Variants in SLC9A9 observed in about 807,000 individuals in gnomAD.
The protein encoded by SLC9A9 is solute carrier family 9 member A9.
SLC9A9 carries 62 observed loss-of-function variants against 77.8 expected under a neutral mutation model. The ratio of observed to expected loss-of-function variants is 0.80; its 90% CI spans 0.65 to 0.98. The LOEUF is 0.98. SLC9A9 is among the 50% of genes least tolerant of loss of function. The pLI is 0.00. For missense variants in SLC9A9, 775 were observed against 774.9 expected (o/e 1.00, Z 0.00); for synonymous variants, 320 against 283.5 (o/e 1.13, Z -1.29).
At chr3:143,420,635 GAAGA>G (rs2034281224) in intron 12 of SLC9A9, among the ~76,000 whole-genome samples, 1 of 152,190 alleles carries the variant, frequency 6.6e-6, no homozygotes, top group Non-Finnish European at 1.5e-5. Context: ...ATTCTGGTGA[GAAGA>G]AAGGTGAGGG....
At chr3:143,555,186 T>C (rs2036959148) in intron 8 of SLC9A9, among the ~76,000 whole-genome samples, 1 of 152,204 alleles carries the variant, frequency 6.6e-6, no homozygotes, top group Non-Finnish European at 1.5e-5. Flanking sequence ...GATGATTTTA[T>C]AAGGGGTTTC....
intron 14 of SLC9A9, among the ~76,000 whole-genome samples, chr3:143,336,977 G>A (rs1295998659): frequency 6.6e-6 from 1 of 152,056 alleles, no homozygotes; most frequent in Non-Finnish European, 1.5e-5. Flanking sequence ...GACACAAGGA[G>A]CACATTGTTA....
chr3:143,771,168 C>G (rs1185716740), intron 4 of SLC9A9, among the ~76,000 whole-genome samples: 1 of 152,228 alleles, frequency 6.6e-6, no homozygotes, highest in Non-Finnish European at 1.5e-5. Flanking sequence ...TACTTGGAGC[C>G]TTGATTCAGA....
chr3:143,685,527 G>A (rs913711100), intron 5 of SLC9A9, among the ~76,000 whole-genome samples: 2 of 152,146 alleles, frequency 1.3e-5, no homozygotes, highest in Non-Finnish European at 2.9e-5. Flanking sequence ...TAGTGCAGCT[G>A]TATTTGAGTC....
Position 143,618,131 on chromosome 3 carries a change from TG to T in SLC9A9, c.755+34123del, listed in dbSNP as rs2038138041. Among the ~76,000 whole-genome samples the T allele has an allele frequency of 2.0e-5, 3 of 152,194 alleles. No individual in the cohort carries two copies. In the South Asian group the frequency reaches 6.2e-4, roughly 31 times the overall value. On this transcript the variant is annotated intron_variant, in intron 6 of 15. Coordinates refer to ENST00000316549, the MANE Select transcript of SLC9A9 (RefSeq NM_173653.4). Reference sequence around the variant, plus strand: ...AGACTGAGATACAAGTAGGAGATCTTGGAGTGCTGGAACCGTGGGAGGAAAA... The same window carrying T: ...AGACTGAGATACAAGTAGGAGATCTTGAGTGCTGGAACCGTGGGAGGAAAA...
At chr3:143,585,175 TGGGTCAGTA>T (rs2037521233) in intron 6 of SLC9A9, among the ~76,000 whole-genome samples, 1 of 152,176 alleles carries the variant, frequency 6.6e-6, no homozygotes. Flanking sequence ...TTCCTTGGGT[TGGGTCAGTA>T]GCCACTTGGG....
intron 12 of SLC9A9, among the ~76,000 whole-genome samples, chr3:143,386,734 T>G (rs1282993382): frequency 2.0e-5 from 3 of 152,202 alleles, no homozygotes; most frequent in Non-Finnish European, 4.4e-5. Flanking sequence ...CCACCACAAT[T>G]GAGCCACAAG....
intron 4 of SLC9A9, among the ~76,000 whole-genome samples, chr3:143,744,783 G>A (rs1191681148): frequency 6.6e-6 from 1 of 152,114 alleles, no homozygotes; most frequent in Non-Finnish European, 1.5e-5. Context: ...ATTAAGTGGA[G>A]AATCAGAGGA....
At chr3:143,782,738 A>G (rs1427695621) in intron 4 of SLC9A9, among the ~76,000 whole-genome samples, 1 of 152,204 alleles carries the variant, frequency 6.6e-6, no homozygotes, top group Non-Finnish European at 1.5e-5. Flanking sequence ...CTTTTTATGA[A>G]CTCATTGATT....
chr3:143,544,795 T>A (rs963188873), intron 9 of SLC9A9, among the ~76,000 whole-genome samples: 9 of 152,196 alleles, frequency 5.9e-5, no homozygotes, highest in African/African-American at 2.2e-4. Flanking sequence ...GATTTTATAG[T>A]TTAAGGTCCT....
intron 4 of SLC9A9, among the ~76,000 whole-genome samples, chr3:143,785,918 GC>G (rs1178176910): frequency 7.0e-6 from 1 of 142,646 alleles, no homozygotes; most frequent in Non-Finnish European, 1.5e-5. Flanking sequence ...GTGCAGTGGC[GC>G]GATCTCGACT....
chr3:143,652,141 A>T (rs1206567113), intron 6 of SLC9A9, 114 bp downstream of exon 6: 2 of 842,140 alleles, frequency 2.4e-6, no homozygotes, highest in Non-Finnish European at 3.9e-6. Flanking sequence ...CTGTGATAAC[A>T]ATTCCTTGAA....
chr3:143,552,404 G>C lies in SLC9A9; in HGVS notation c.1047C>G (p.Thr349=). 6.2e-7 allele frequency: 1 copy of C among 1,613,004 alleles called. No homozygotes were observed. Among genetic ancestry groups the C allele is most frequent in the African/African-American group, 1.3e-5 (1 of 74,948 alleles). ...LFCGVTQAHY[T]YNNLSSDSKI... ...TGGAATCCGAAGACAGATTGTTGTA[G>C]GTATAATGTGCTTGTGTGACTCCAC... The change falls in exon 9 of 16, where the codon ACC becomes ACG. Residue 349 remains threonine, a synonymous_variant. Transcript: ENST00000316549.
intron 4 of SLC9A9, among the ~76,000 whole-genome samples, chr3:143,733,404 G>C (rs1934857954): frequency 6.6e-6 from 1 of 152,090 alleles, no homozygotes; most frequent in Non-Finnish European, 1.5e-5. Context: ...GTGTGTCCCT[G>C]GGCTGGGGGT....
chr3:143,497,011 G>T (rs1559940727), intron 9 of SLC9A9, among the ~76,000 whole-genome samples: 1 of 152,012 alleles, frequency 6.6e-6, no homozygotes, highest in Non-Finnish European at 1.5e-5. Context: ...TCTTATAAGG[G>T]CACTAATCCA....
rs149972768 is a variant in SLC9A9, at chr3:143,578,633, G to A, written c.846C>T (p.Phe282=). 1,632 of 1,614,074 alleles carry A rather than the reference G, an allele frequency of 1.0e-3. 4 individuals are homozygous for A. The highest frequency in any genetic ancestry group is 1.3e-3 in the Non-Finnish European group (1,553 of 1,179,952). The change falls in exon 7 of 16, where the codon TTC becomes TTT. Residue 282 remains phenylalanine, a synonymous_variant. Transcript: ENST00000316549. The part of the protein sequence containing the change: ...FQSVGNFLGI[F]AGSFAMGSAY... Reference sequence around the variant, plus strand: ...CAGACCCCATTGCAAATGAGCCAGCGAAGATTCCCAGGAAATTCCCCACAG... The same window carrying A: ...CAGACCCCATTGCAAATGAGCCAGCAAAGATTCCCAGGAAATTCCCCACAG...
At chr3:143,437,808 T>C (rs2034651670) in intron 12 of SLC9A9, among the ~76,000 whole-genome samples, 1 of 152,176 alleles carries the variant, frequency 6.6e-6, no homozygotes, top group Non-Finnish European at 1.5e-5. Flanking sequence ...TTATGAGTGT[T>C]CATGAAATGA....
chr3:143,466,713 C>T lies in SLC9A9; in HGVS notation c.1469+324G>A, dbSNP rs74728306. ...CTGGATTGTATCTTGAGGACAAGAC[C>T]TGTGTCTTATTTTTGTAAACTCCAC... On this transcript the variant is annotated intron_variant, in intron 12 of 15. Coordinates refer to ENST00000316549, the MANE Select transcript of SLC9A9 (RefSeq NM_173653.4). Among the ~76,000 whole-genome samples, 635 of 152,296 alleles carry T rather than the reference C, an allele frequency of 4.2e-3. 15 individuals carry two copies. The East Asian group carries it at 0.065, about 16-fold the overall frequency.
At chr3:143,773,811 T>C (rs1035008182) in intron 4 of SLC9A9, among the ~76,000 whole-genome samples, 1 of 152,200 alleles carries the variant, frequency 6.6e-6, no homozygotes, top group African/African-American at 2.4e-5. Context: ...TTGTGTTTGA[T>C]GGCTTGTTCA....
Sources: allele counts gnomAD v4.1 joint callset (sites outside exome capture counted in the v4.1 genomes callset), GRCh38; gene constraint gnomAD v4.1.1; transcripts MANE v1.5; gene names NCBI Gene and HGNC (gene_info 2026-07-23, HGNC 2026-07-21).